Variants in SLC35E2B observed in about 807,000 individuals in gnomAD.
SLC35E2B encodes solute carrier family 35, member E2B.
A neutral mutation model predicts 32.4 loss-of-function variants in SLC35E2B; 18 were observed. The observed-to-expected ratio is 0.56, with a 90% CI of 0.38 to 0.82. The LOEUF (loss-of-function observed/expected upper bound fraction) is 0.82. Ranked by LOEUF, SLC35E2B falls within the 40% of genes least tolerant of loss-of-function variation. The pLI, the probability that SLC35E2B is intolerant of heterozygous loss-of-function variation, is 0.00. For synonymous variants in SLC35E2B, 132 were observed against 209.1 expected (o/e 0.63, Z 3.18); for missense variants, 263 against 469.5 (o/e 0.56, Z 4.06).
chr1:1,690,044 G>A (rs1269076198), intron 2 of SLC35E2B, among the ~76,000 whole-genome samples: 2 of 150,134 alleles, frequency 1.3e-5, no homozygotes, highest in Non-Finnish European at 3.0e-5. Context: ...CACTTTGGGA[G>A]GCTGAGGTGG....
intron 9 of SLC35E2B, among the ~76,000 whole-genome samples, chr1:1,667,480 T>C (rs1268059881): frequency 2.6e-5 from 4 of 152,092 alleles, no homozygotes; most frequent in Non-Finnish European, 4.4e-5. Context: ...TCTGCCCAGT[T>C]ACAGAAGTGG....
At chr1:1,666,413 G>C (rs1042470559) in intron 9 of SLC35E2B, among the ~76,000 whole-genome samples, 3 of 152,188 alleles carry the variant, frequency 2.0e-5, no homozygotes, top group South Asian at 2.1e-4. Flanking sequence ...ATCCAATCGA[G>C]GTGGGTCTCA....
chr1:1,687,194 A>G (rs1643961838), intron 2 of SLC35E2B, among the ~76,000 whole-genome samples: 2 of 152,230 alleles, frequency 1.3e-5, no homozygotes, highest in South Asian at 4.1e-4. Flanking sequence ...GCACGCACAC[A>G]CACACCCCAA....
At chr1:1,680,419 G>A (rs1034805924) in intron 2 of SLC35E2B, among the ~76,000 whole-genome samples, 3 of 152,218 alleles carry the variant, frequency 2.0e-5, no homozygotes, top group Admixed American at 6.5e-5. Context: ...TCACTGCACA[G>A]CAGCCCACTG....
intron 5 of SLC35E2B, chr1:1,672,043 A>G (rs2101098468): frequency 6.4e-6 from 1 of 155,704 alleles, no homozygotes; most frequent in East Asian, 1.8e-4. Context: ...TTCCTTCTGA[A>G]ATGTAACAAA....
chr1:1,678,557 C>T (rs115931547), intron 2 of SLC35E2B, among the ~76,000 whole-genome samples: 1 of 152,236 alleles, frequency 6.6e-6, no homozygotes, highest in African/African-American at 2.4e-5. Flanking sequence ...CCATGTGTGC[C>T]CTGACCCCTC....
In SLC35E2B at chr1:1,663,551, A is replaced by C. The variant is rs182324701; in HGVS notation, c.*2231T>G. 2 of 426,648 alleles carry C rather than the reference A, an allele frequency of 4.7e-6. No homozygotes were observed. The highest frequency in any genetic ancestry group is 6.3e-6 in the Non-Finnish European group (2 of 317,438). 26.4% of individuals were successfully genotyped at this position (426,648 alleles called of 1,614,324 possible). On this transcript the variant is annotated 3_prime_UTR_variant, in exon 10 of 10. Transcript: ENST00000617444. ...AATGGCACGATCTTGGCTCACTGCAACCTCCATCTCCGGGGTTCAAACAAT... is the reference window on the plus strand; with the variant it reads ...AATGGCACGATCTTGGCTCACTGCACCCTCCATCTCCGGGGTTCAAACAAT...
Position 1,675,582 on chromosome 1 carries a change from G to A in SLC35E2B, c.467C>T (p.Thr156Ile), listed in dbSNP as rs769802573. The change falls in exon 5 of 10, where the codon ACT (threonine) becomes ATT (isoleucine). Residue 156 changes from threonine (T) to isoleucine (I), a missense_variant. Transcript: ENST00000617444. Reference protein sequence around the residue: ...MLFVGLMRFATVVLGLVSLKN... With the variant: ...MLFVGLMRFAIVVLGLVSLKN... ...CAGGCTGACCAAACCCAAAACCACA[G>A]TTGCAAACCTAAAAATGAGCCAAAA... 1 of 1,564,704 alleles carries A rather than the reference G, an allele frequency of 6.4e-7. No homozygotes were observed. The highest frequency in any genetic ancestry group is 2.3e-5 in the East Asian group (1 of 43,590).
In SLC35E2B at chr1:1,669,680, G is replaced by A. The variant is rs1289375457; in HGVS notation, c.818C>T (p.Ala273Val). The change falls in exon 8 of 10, where the codon GCC (alanine) becomes GTC (valine). Residue 273 changes from alanine (A) to valine (V), a missense_variant. Physicochemically the swap from Ala to Val is moderately conservative, Grantham distance 64. This residue lies in a region of SLC35E2B where 129 missense variants were observed against 164.5 expected (regional missense o/e 0.78). Coordinates refer to ENST00000617444, the MANE Select transcript of SLC35E2B (RefSeq NM_001290264.2). Reference protein sequence around the residue: ...SAAAVAMLVPARVFFTDVPVI... With the variant: ...SAAAVAMLVPVRVFFTDVPVI... ...GAAACCCACCGTAAAGAAAACCCGG[G>A]CCGGGACGAGCATGGCCACCGCAGC... 1.3e-6 allele frequency: 2 copies of A among 1,528,204 alleles called. No individual in the cohort carries two copies. The highest frequency in any genetic ancestry group is 2.8e-5 in the African/African-American group (2 of 72,602). The allele number at this position is 1,528,204 out of a possible 1,614,324, so 94.7% of individuals were successfully genotyped here.
rs774014051 is a variant in SLC35E2B at position 1,662,769 on chromosome 1, C to T, written c.*3013G>A. 1.3e-6 allele frequency: 1 copy of T among 751,914 alleles called. No individual in the cohort carries two copies. Among genetic ancestry groups the T allele is most frequent in the Non-Finnish European group, 1.6e-6 (1 of 613,244 alleles). 46.6% of individuals were successfully genotyped at this position (751,914 alleles called of 1,614,324 possible). On this transcript the variant is annotated 3_prime_UTR_variant, in exon 10 of 10. Transcript: ENST00000617444. ...TATCAACGTAAAGAAGCCGATGACC[C>T]AATTCGGGAGGTGGTTCAAGTGTTC...
At chr1:1,666,178 G>A (rs535779205) in intron 9 of SLC35E2B, among the ~76,000 whole-genome samples, 159 bp from the exon 10 acceptor site, 8 of 152,208 alleles carry the variant, frequency 5.3e-5, no homozygotes, top group Non-Finnish European at 8.8e-5. Context: ...GGCTGACCCC[G>A]GGTCTGGAGG....
At chr1:1,687,011 G>T (rs190363880) in intron 2 of SLC35E2B, among the ~76,000 whole-genome samples, 1 of 150,410 alleles carries the variant, frequency 6.6e-6, no homozygotes, top group Non-Finnish European at 1.5e-5. Flanking sequence ...AGCTGAGATC[G>T]TGCCACTGCA....
rs927118593 is a variant in SLC35E2B at position 1,664,027 on chromosome 1, C to T, written c.*1755G>A. 1 of 232,362 alleles carries T rather than the reference C, an allele frequency of 4.3e-6. No individual in the cohort carries two copies. The allele number at this position is 232,362 out of a possible 1,614,324, so 14.4% of individuals were successfully genotyped here. The stretch of plus-strand genomic sequence containing the variant: ...GCAACAAAGCGAGAGCCCAGCTCAA[C>T]AAAAAAATAGCCAGGCATGGTGGCA... On this transcript the variant is annotated 3_prime_UTR_variant, in exon 10 of 10. Coordinates refer to ENST00000617444, the MANE Select transcript of SLC35E2B (RefSeq NM_001290264.2).
At chr1:1,666,752 G>A (rs1643556575) in intron 9 of SLC35E2B, among the ~76,000 whole-genome samples, 1 of 151,528 alleles carries the variant, frequency 6.6e-6, no homozygotes, top group African/African-American at 2.4e-5. Flanking sequence ...GGGCGTGGGG[G>A]CTCATGTGTA....
Position 1,692,780 on chromosome 1 carries a change from C to T in SLC35E2B, c.-897G>A, listed in dbSNP as rs1644032081. On this transcript the variant is annotated 5_prime_UTR_variant, in exon 1 of 10. Coordinates refer to ENST00000617444, the MANE Select transcript of SLC35E2B (RefSeq NM_001290264.2). ...ACGCCCCCGCGGCTGCCCGTTGGTT[C>T]CGCCCGGGCCGTTCTACTCCAGGCA... The T allele has an allele frequency of 4.1e-6, 4 of 984,470 alleles. No homozygotes were observed. Among genetic ancestry groups the T allele is most frequent in the Non-Finnish European group, 2.4e-6 (2 of 829,438 alleles). 61.0% of individuals were successfully genotyped at this position (984,470 alleles called of 1,614,324 possible).
In SLC35E2B at chr1:1,669,935, G is replaced by A. The variant is rs1327735308; in HGVS notation, c.761+163C>T. The A allele has an allele frequency of 4.3e-5, 37 of 851,662 alleles. No individual in the cohort carries two copies. In the East Asian group the frequency reaches 6.4e-4, roughly 15 times the overall value. The allele number at this position is 851,662 out of a possible 1,614,324, so 52.8% of individuals were successfully genotyped here. On this transcript the variant is annotated intron_variant, in intron 7 of 9. Coordinates refer to ENST00000617444, the MANE Select transcript of SLC35E2B (RefSeq NM_001290264.2). ...GGCTGAGGGGCTCAAGGGAGTAGCT[G>A]AGAAACGGGCGGGTCCCTCCCGAGC...
intron 2 of SLC35E2B, among the ~76,000 whole-genome samples, chr1:1,689,228 A>C (rs574164857): frequency 6.6e-6 from 1 of 152,058 alleles, no homozygotes; most frequent in Non-Finnish European, 1.5e-5. Flanking sequence ...CGAGTTGCTG[A>C]AGAAGGAAAC....
intron 5 of SLC35E2B, chr1:1,672,497 G>T (rs974291137): frequency 2.0e-5 from 3 of 152,248 alleles, no homozygotes; most frequent in African/African-American, 7.2e-5. Context: ...CCTGGTCTCG[G>T]CCTCTGCTGG....
Position 1,663,759 on chromosome 1 carries a change from G to A in SLC35E2B, c.*2023C>T, listed in dbSNP as rs4307513. The A allele has an allele frequency of 0.057, 43,426 of 760,852 alleles. 6,898 individuals carry two copies. The highest frequency in any genetic ancestry group is 0.32 in the East Asian group (2,621 of 8,232). 47.1% of individuals were successfully genotyped at this position (760,852 alleles called of 1,614,324 possible). On this transcript the variant is annotated 3_prime_UTR_variant, in exon 10 of 10. Coordinates refer to ENST00000617444, the MANE Select transcript of SLC35E2B (RefSeq NM_001290264.2). Reference sequence around the variant, plus strand: ...GCTGCGATTAGAGGCGTGAGCCACCGCACCCAGTCTTCTATTAGTTTTTGA... The same window carrying A: ...GCTGCGATTAGAGGCGTGAGCCACCACACCCAGTCTTCTATTAGTTTTTGA...
Sources: allele counts gnomAD v4.1 joint callset (sites outside exome capture counted in the v4.1 genomes callset), GRCh38; gene constraint gnomAD v4.1.1; regional missense constraint gnomAD v4.1.1; transcripts MANE v1.5; gene names NCBI Gene and HGNC (gene_info 2026-07-23, HGNC 2026-07-21).